Variants in BRAT1 observed in about 807,000 individuals in gnomAD.
BRAT1 encodes BRCA1 associated ATM activator 1.
In BRAT1, 74 loss-of-function variants were observed where a neutral mutation model predicts 70.6. That is an observed-to-expected ratio of 1.05 (90% confidence interval 0.87 to 1.27). BRAT1 has a LOEUF of 1.27. Among genes scored for constraint, BRAT1 ranks in the 50% most tolerant of loss-of-function variants. BRAT1 has a pLI of 0.00. For synonymous variants in BRAT1, 615 were observed against 517.1 expected, an observed-to-expected ratio of 1.19 and a Z score of -2.57; for missense variants, 1,203 against 1,098.2, an observed-to-expected ratio of 1.10 and a Z score of -1.35.
intron 10 of BRAT1, 42 bp downstream of exon 10, chr7:2,540,937 C>G: frequency 1.4e-6 from 2 of 1,471,902 alleles, no homozygotes; most frequent in African/African-American, 1.5e-5. Flanking sequence ...CCCACTGCCT[C>G]TGCCTCCCTC....
intron 3 of BRAT1, among the ~76,000 whole-genome samples, chr7:2,545,710 G>T (rs534504093): frequency 2.0e-5 from 3 of 151,964 alleles, no homozygotes; most frequent in African/African-American, 7.3e-5. Context: ...GCCTGGTCTC[G>T]AACTCCTGAC....
chr7:2,552,090 ATATATATATATATATATTTTTTTTT>A (rs1780055689), intron 2 of BRAT1, among the ~76,000 whole-genome samples: 2 of 17,028 alleles, frequency 1.2e-4, no homozygotes, highest in African/African-American at 2.7e-4. Context: ...AAATATATAT[ATATATATATATATATATTTTTTTTT>A]TTTTTTTTTT....
chr7:2,538,675 C>T lies in BRAT1; in HGVS notation c.1860G>A (p.Leu620=). The T allele has an allele frequency of 6.3e-7, 1 of 1,598,394 alleles. No individual in the cohort carries two copies. The highest frequency in any genetic ancestry group is 8.5e-7 in the Non-Finnish European group (1 of 1,179,786). ...GGGCCGCGTCGGCGTGGCCGTCCCG[C>T]AGCCACTCAGTGAAGACTTGCATGA... ...RAVMQVFTEW[L]RDGHADAAQD... is the part of the protein sequence containing the mutation. The change falls in exon 14 of 14, where the codon CTG becomes CTA. Residue 620 remains leucine (L), a synonymous_variant. Transcript: ENST00000340611.
At chr7:2,546,887 C>A (rs1015263660) in intron 3 of BRAT1, among the ~76,000 whole-genome samples, 3 of 152,134 alleles carry the variant, frequency 2.0e-5, no homozygotes, top group Non-Finnish European at 4.4e-5. Flanking sequence ...TTGGTCCTCA[C>A]GACAACCCCA....
chr7:2,552,446 G>T (rs1780111371), intron 2 of BRAT1, among the ~76,000 whole-genome samples: 1 of 151,354 alleles, frequency 6.6e-6, no homozygotes, highest in Non-Finnish European at 1.5e-5. Flanking sequence ...AAACAAGGAA[G>T]ACCTAGATAT....
chr7:2,541,380 G>GC lies in BRAT1; in HGVS notation c.1238dup (p.His414ProfsTer76), dbSNP rs1779147720. On this transcript the variant is annotated frameshift_variant, in exon 9 of 14. Transcript: ENST00000340611. LOFTEE classifies it high-confidence loss of function. ...AGCCCGCCAGGGTCCCACAGAGGTG[G>GC]CCCCCCACACTGGAGGCAGGGGCAG... 1.9e-6 allele frequency: 3 copies of GC among 1,607,030 alleles called. No homozygotes were observed. Among genetic ancestry groups the GC allele is most frequent in the Non-Finnish European group, 8.5e-7 (1 of 1,179,084 alleles).
intron 3 of BRAT1, among the ~76,000 whole-genome samples, chr7:2,545,494 TTC>T (rs1343503928): frequency 8.5e-6 from 1 of 117,416 alleles, no homozygotes; most frequent in Admixed American, 8.4e-5. Context: ...CACTTTCTTC[TTC>T]TTTTTTTTTT....
intron 2 of BRAT1, among the ~76,000 whole-genome samples, chr7:2,550,057 G>A (rs141417232): frequency 1.3e-5 from 2 of 151,956 alleles, no homozygotes; most frequent in African/African-American, 4.8e-5. Flanking sequence ...CAGCCATCCA[G>A]GAGGCTGGGG....
At position 2,537,896 on chromosome 7, in the gene BRAT1, A is replaced by ATTTC. The variant is rs1377867120; in HGVS notation, c.*169_*172dup. Reference sequence around the variant, plus strand: ...CATTTATTTTGAGTAGAAATAAGTCATTTCTTTAATACATCAAACTGTGGG... The same window carrying ATTTC: ...CATTTATTTTGAGTAGAAATAAGTCATTTCTTTCTTTAATACATCAAACTGTGGG... On this transcript the variant is annotated 3_prime_UTR_variant, in exon 14 of 14. Coordinates refer to ENST00000340611, the MANE Select transcript of BRAT1 (RefSeq NM_152743.4). 3 of 1,112,110 alleles carry ATTTC rather than the reference A, an allele frequency of 2.7e-6. No homozygotes were observed. The highest frequency in any genetic ancestry group is 3.2e-5 in the African/African-American group (2 of 62,930). The allele number at this position is 1,112,110 out of a possible 1,614,324, so 68.9% of individuals were successfully genotyped here. A position where few individuals can be genotyped will look rare whatever the true frequency, so the allele number is the denominator to read the frequency against.
At position 2,538,821 on chromosome 7, in the gene BRAT1, G is replaced by T; in HGVS notation, c.1771-57C>A. ...GTGGGGTGGCAGGAGCGAGGCTCCC[G>T]CAACAGGACTCCGGTACATGATGGG... On this transcript the variant is annotated intron_variant, in intron 13 of 13. Transcript: ENST00000340611. 2.5e-6 allele frequency: 4 copies of T among 1,584,308 alleles called. No individual in the cohort carries two copies. In the South Asian group the frequency reaches 4.5e-5, roughly 18 times the overall value.
Position 2,538,460 on chromosome 7 carries a change from A to C in BRAT1, c.2075T>G (p.Leu692Arg), listed in dbSNP as rs373211828. ...VAPAQPLTEA[L>R]RALCHVGLFD... is the part of the protein sequence containing the mutation. ...GAGCCCCACGTGGCAGAGAGCCCTC[A>C]GTGCCTCGGTGAGTGGCTGGGCTGG... The change falls in exon 14 of 14, where the codon CTG becomes CGG. Residue 692 changes from leucine to arginine, a missense_variant. Coordinates refer to ENST00000340611, the MANE Select transcript of BRAT1 (RefSeq NM_152743.4). 12 of 1,612,808 alleles carry C rather than the reference A, an allele frequency of 7.4e-6. No homozygotes were observed. The African/African-American group carries it at 1.2e-4, about 16-fold the overall frequency.
At position 2,538,427 on chromosome 7, in the gene BRAT1, A is replaced by C. The variant is rs1562564755; in HGVS notation, c.2108T>G (p.Phe703Cys). The change falls in exon 14 of 14, where the codon TTC (phenylalanine) becomes TGC (cysteine). Residue 703 changes from phenylalanine (F) to cysteine (C), a missense_variant. Phe to Cys is a radical substitution (Grantham distance 205). Transcript: ENST00000340611. ...RALCHVGLFD[F>C]AFCALFDCDR... The stretch of plus-strand genomic sequence containing the variant: ...GCAGTCAAACAAGGCACAAAAGGCG[A>C]AGTCAAAGAGCCCCACGTGGCAGAG... 1 of 1,613,420 alleles carries C rather than the reference A, an allele frequency of 6.2e-7. No homozygotes were observed. The highest frequency in any genetic ancestry group is 2.2e-5 in the East Asian group (1 of 44,860).
In BRAT1 at chr7:2,543,048, G is replaced by GCGCGCAACCCA. The variant is rs1258512654; in HGVS notation, c.923+145_923+155dup. On this transcript the variant is annotated intron_variant, in intron 6 of 13. Coordinates refer to ENST00000340611, the MANE Select transcript of BRAT1 (RefSeq NM_152743.4). The surrounding 1 kb of genome is among the most constrained non-coding windows in gnomAD (Gnocchi z 5.5). ...TGCTAAAGAACCTTCAGAAGCTGCC[G>GCGCGCAACCCA]CGCGCAACCCACGCACCACCCAGTC... 3.7e-5 allele frequency: 32 copies of GCGCGCAACCCA among 864,114 alleles called. No homozygotes were observed. Among genetic ancestry groups the GCGCGCAACCCA allele is most frequent in the East Asian group, 3.2e-4 (11 of 34,038 alleles). The allele number at this position is 864,114 out of a possible 1,614,324, so 53.5% of individuals were successfully genotyped here.
chr7:2,542,226 G>A lies in BRAT1; in HGVS notation c.924-15C>T, dbSNP rs571896861. The A allele has an allele frequency of 1.2e-4, 185 of 1,549,474 alleles. No individual in the cohort carries two copies. The highest frequency in any genetic ancestry group is 5.9e-4 in the South Asian group (50 of 84,196). On this transcript the variant is annotated splice_polypyrimidine_tract_variant and intron_variant, in intron 6 of 13. Coordinates refer to ENST00000340611, the MANE Select transcript of BRAT1 (RefSeq NM_152743.4). ...GTGCCTGTGGACTGGAGACAAACGC[G>A]AGGTGAGTGCCGCGACCCTGGCTGC...
intron 9 of BRAT1, 52 bp downstream of exon 9, chr7:2,541,246 G>A: frequency 1.3e-6 from 2 of 1,520,432 alleles, no homozygotes; most frequent in Non-Finnish European, 1.8e-6. Flanking sequence ...GCAGAAAGGA[G>A]AGTGGGGGCA....
chr7:2,546,783 A>T (rs1053775688), intron 3 of BRAT1, among the ~76,000 whole-genome samples: 11 of 152,158 alleles, frequency 7.2e-5, no homozygotes, highest in African/African-American at 2.7e-4. Flanking sequence ...TAATTTTTTA[A>T]AAAAAAGACA....
intron 4 of BRAT1, chr7:2,544,200 G>GTTTTGTT (rs1779418426): frequency 1.8e-5 from 2 of 108,670 alleles, no homozygotes; most frequent in Non-Finnish European, 3.3e-5. Context: ...CCTTCTTGTT[G>GTTTTGTT]TTTTTTTTTT....
At chr7:2,546,197 T>C (rs1779595727) in intron 3 of BRAT1, among the ~76,000 whole-genome samples, 1 of 152,138 alleles carries the variant, frequency 6.6e-6, no homozygotes, top group African/African-American at 2.4e-5. Context: ...TCCCAACACT[T>C]TGGGAGGCCG....
chr7:2,547,690 G>A (rs1190665734), intron 2 of BRAT1, among the ~76,000 whole-genome samples: 1 of 152,208 alleles, frequency 6.6e-6, no homozygotes, highest in East Asian at 1.9e-4. Flanking sequence ...TTAACAACAG[G>A]TGAAAGGCGG....
Sources: gnomAD v4.1 joint callset for allele counts (sites outside exome capture counted in the v4.1 genomes callset) on GRCh38, gnomAD v4.1.1 for gene constraint, Gnocchi (gnomAD v3.1) non-coding constraint, MANE v1.5 for transcripts, NCBI Gene and HGNC (gene_info 2026-07-23, HGNC 2026-07-21) for gene names.